LITAF: variants seen among roughly 807,000 people sequenced by gnomAD.
LITAF encodes lipopolysaccharide-induced tumor necrosis factor-alpha factor.
Under a neutral mutation model 14.5 loss-of-function variants are expected in LITAF, and 9 were observed. The ratio of observed to expected loss-of-function variants is 0.62; its 90% CI spans 0.37 to 1.08. The LOEUF (loss-of-function observed/expected upper bound fraction) is 1.08, where lower values mean the gene tolerates loss of function less well. Among genes scored for constraint, LITAF ranks in the 50% least tolerant of loss-of-function variants. The pLI, the probability that LITAF is intolerant of heterozygous loss-of-function variation, is 0.01. For missense variants in LITAF, 206 were observed against 213.4 expected, an observed-to-expected ratio of 0.97 and a Z score of 0.22; for synonymous variants, 98 against 88.2, an observed-to-expected ratio of 1.11 and a Z score of -0.62.
upstream of LITAF, among the ~76,000 whole-genome samples, chr16:11,591,245 G>GC (rs1480468625): frequency 1.7e-5 from 2 of 117,714 alleles, 1 homozygote; most frequent in Non-Finnish European, 3.4e-5. Flanking sequence ...ATGTAGTAGT[G>GC]CCATCATAGC....
chr16:11,638,056 A>ATATATATATC (rs1272880182), upstream of LITAF, among the ~76,000 whole-genome samples: 1 of 63,556 alleles, frequency 1.6e-5, no homozygotes, highest in Non-Finnish European at 2.8e-5. Flanking sequence ...ATATATATCT[A>ATATATATATC]TATATATATC....
At chr16:11,608,352 G>A (rs1049058268) in intron 3 of LITAF, among the ~76,000 whole-genome samples, 7 of 152,218 alleles carry the variant, frequency 4.6e-5, no homozygotes, top group African/African-American at 1.2e-4. Context: ...GGATTCTACC[G>A]GGTGTGGGGA....
chr16:11,593,739 A>G (rs1000048456), intron 1 of LITAF, among the ~76,000 whole-genome samples: 17 of 152,238 alleles, frequency 1.1e-4, no homozygotes, highest in African/African-American at 4.1e-4. Flanking sequence ...GTAAAATGAA[A>G]CCAGACACCA....
At chr16:11,576,029 T>C (rs8058833) in intron 1 of LITAF, among the ~76,000 whole-genome samples, 118,216 of 152,066 alleles carry the variant, frequency 0.78, 46,636 homozygotes, top group African/African-American at 0.9. Context: ...TCCAGGCACA[T>C]GCCACCATGA....
intron 1 of LITAF, among the ~76,000 whole-genome samples, chr16:11,566,797 A>G (rs2064458174): frequency 7.3e-6 from 1 of 136,736 alleles, no homozygotes; most frequent in Non-Finnish European, 1.5e-5. Context: ...CCTTGGGTTA[A>G]AAAAAAAAAA....
intron 1 of LITAF, among the ~76,000 whole-genome samples, chr16:11,594,957 G>A (rs2064873591): frequency 6.6e-6 from 1 of 152,012 alleles, no homozygotes; most frequent in African/African-American, 2.4e-5. Flanking sequence ...TTGTCTCTGA[G>A]TGATGTAATT....
At chr16:11,563,198 G>C (rs985160038) in intron 1 of LITAF, among the ~76,000 whole-genome samples, 1 of 151,984 alleles carries the variant, frequency 6.6e-6, no homozygotes, top group African/African-American at 2.4e-5. Context: ...GCCTAGACTG[G>C]AACGCAGTGG....
chr16:11,619,995 C>G (rs1055150013), intron 3 of LITAF, among the ~76,000 whole-genome samples: 1 of 151,790 alleles, frequency 6.6e-6, no homozygotes, highest in Non-Finnish European at 1.5e-5. Context: ...TGGTGAAACC[C>G]TATCTCTACT....
At position 11,549,578 on chromosome 16, in the gene LITAF, G is replaced by A; in HGVS notation, c.*59C>T. 7.8e-7 allele frequency: 1 copy of A among 1,287,426 alleles called. No homozygotes were observed. Among genetic ancestry groups the A allele is most frequent in the Non-Finnish European group, 1.1e-6 (1 of 899,118 alleles). The allele number at this position is 1,287,426 out of a possible 1,614,324, so 79.8% of individuals were successfully genotyped here. ...CAGAACCTCCACCAGGCGTGAAGCT[G>A]GATGAGAGGTGGAAAGGACTTCCTG... On this transcript the variant is annotated 3_prime_UTR_variant, in exon 4 of 4. Coordinates refer to ENST00000622633, the MANE Select transcript of LITAF (RefSeq NM_001136472.2). This position sits in a 1 kb window ranked among gnomAD's most constrained non-coding sequence, Gnocchi z 4.6.
chr16:11,560,527 G>A (rs1295138852), intron 1 of LITAF, among the ~76,000 whole-genome samples: 1 of 150,654 alleles, frequency 6.6e-6, no homozygotes, highest in Non-Finnish European at 1.5e-5. Flanking sequence ...AGGTTGCAGC[G>A]AGCTGAGATC....
chr16:11,567,434 C>CACAAA (rs535454875), intron 1 of LITAF, among the ~76,000 whole-genome samples: 4,534 of 146,876 alleles, frequency 0.031, 113 homozygotes, highest in South Asian at 0.046. Context: ...AAAAAAAAAA[C>CACAAA]ACAAAACAAA....
intron 3 of LITAF, among the ~76,000 whole-genome samples, chr16:11,617,714 C>T (rs895260531): frequency 1.3e-5 from 2 of 152,078 alleles, no homozygotes; most frequent in African/African-American, 4.8e-5. Context: ...GGTGAGTCAC[C>T]GTGCCTGGCC....
chr16:11,572,570 T>C (rs2064562063), intron 1 of LITAF, among the ~76,000 whole-genome samples: 1 of 152,084 alleles, frequency 6.6e-6, no homozygotes. Context: ...AGGGCCTCTG[T>C]GGCCTTCCTC....
chr16:11,548,697 C>A lies in LITAF; in HGVS notation c.*940G>T. 1 of 453,508 alleles carries A rather than the reference C, an allele frequency of 2.2e-6. No individual in the cohort carries two copies. The highest frequency in any genetic ancestry group is 4.4e-6 in the Non-Finnish European group (1 of 226,718). The allele number at this position is 453,508 out of a possible 1,614,324, so 28.1% of individuals were successfully genotyped here. A position where few individuals can be genotyped will look rare whatever the true frequency, so the allele number is the denominator to read the frequency against. Reference sequence around the variant, plus strand: ...CCTCCTCTTGAAATTATGTTCAGGCCCAGCATGGTAGCTTATGCCTGCAAT... The same window carrying A: ...CCTCCTCTTGAAATTATGTTCAGGCACAGCATGGTAGCTTATGCCTGCAAT... On this transcript the variant is annotated 3_prime_UTR_variant, in exon 4 of 4. Transcript: ENST00000622633.
chr16:11,555,808 T>C (rs2064259657), intron 2 of LITAF, among the ~76,000 whole-genome samples: 2 of 152,186 alleles, frequency 1.3e-5, no homozygotes, highest in African/African-American at 4.8e-5. Context: ...TACTCTGTAT[T>C]TGGCACACAC....
chr16:11,588,191 T>C (rs943367406), upstream of LITAF, among the ~76,000 whole-genome samples: 1 of 152,172 alleles, frequency 6.6e-6, no homozygotes, highest in Non-Finnish European at 1.5e-5. Flanking sequence ...GGCAACATTT[T>C]ACTGCTTTTA....
chr16:11,626,627 C>T (rs934714443), intron 3 of LITAF, among the ~76,000 whole-genome samples: 8 of 152,140 alleles, frequency 5.3e-5, no homozygotes, highest in Non-Finnish European at 8.8e-5. Context: ...CGTGAGCCAC[C>T]GCGCCCAGCC....
At chr16:11,563,262 C>G (rs937418466) in intron 1 of LITAF, among the ~76,000 whole-genome samples, 2 of 152,104 alleles carry the variant, frequency 1.3e-5, no homozygotes, top group Admixed American at 6.5e-5. Flanking sequence ...AATTCTCGTG[C>G]CTCAGCCTCC....
rs1442629868 is a variant in LITAF, at chr16:11,558,665, T to G, written c.-5-1930A>C. ...TGAGGCTGCAGTGAGCCATGATCAC[T>G]CCACTGCACTCCAGCCTGGGAAACA... On this transcript the variant is annotated intron_variant, in intron 1 of 3. Coordinates refer to ENST00000622633, the MANE Select transcript of LITAF (RefSeq NM_001136472.2). This position sits in a 1 kb window ranked among gnomAD's most constrained non-coding sequence, Gnocchi z 4.1. Among the ~76,000 whole-genome samples the G allele has an allele frequency of 1.3e-5, 2 of 151,670 alleles. No individual in the cohort carries two copies. The highest frequency in any genetic ancestry group is 1.3e-4 in the Admixed American group (2 of 15,220).
Sources: allele counts gnomAD v4.1 joint callset (sites outside exome capture counted in the v4.1 genomes callset), GRCh38; gene constraint gnomAD v4.1.1; non-coding constraint Gnocchi (gnomAD v3.1); transcripts MANE v1.5; gene names NCBI Gene and HGNC (gene_info 2026-07-23, HGNC 2026-07-21).